BTD: variants seen among roughly 807,000 people sequenced by gnomAD.
BTD encodes biocytinase.
In BTD, 13 loss-of-function variants were observed where a neutral mutation model predicts 17.7. That is an observed-to-expected ratio of 0.74 (90% CI 0.48 to 1.17). The LOEUF is 1.17. Ranked by LOEUF, BTD falls within the 50% of genes most tolerant of loss-of-function variation. The probability of loss-of-function intolerance (pLI) is 0.00; values close to 1 mark genes in which losing one functional copy is unlikely to be tolerated. For missense variants in BTD, 674 were observed against 650.4 expected, an observed-to-expected ratio of 1.04 and a Z score of -0.39; for synonymous variants, 240 against 245.2, an observed-to-expected ratio of 0.98 and a Z score of 0.20.
At chr3:15,720,357 T>A (rs551560526) in intron 4 of BTD, among the ~76,000 whole-genome samples, 1 of 152,330 alleles carries the variant, frequency 6.6e-6, no homozygotes, top group South Asian at 2.1e-4. Context: ...AGTATTTTAC[T>A]CTATGTCTTT....
chr3:15,671,804 C>T (rs2066393550), intron 3 of BTD, among the ~76,000 whole-genome samples: 1 of 151,932 alleles, frequency 6.6e-6, no homozygotes, highest in South Asian at 2.1e-4. Context: ...AGGCTGGTCT[C>T]AAACTCCTGG....
At chr3:15,688,659 AG>A (rs1219750674) in intron 3 of BTD, among the ~76,000 whole-genome samples, 2 of 152,252 alleles carry the variant, frequency 1.3e-5, no homozygotes, top group African/African-American at 4.8e-5. Context: ...CCAAAGGACT[AG>A]AAAAAAAATC....
intron 4 of BTD, among the ~76,000 whole-genome samples, chr3:15,720,208 G>T (rs1335486447): frequency 6.6e-6 from 1 of 150,766 alleles, no homozygotes; most frequent in African/African-American, 2.5e-5. Context: ...ACTCTTGAAA[G>T]TGATTCTAAC....
chr3:15,657,064 G>A (rs572401703), downstream of BTD, among the ~76,000 whole-genome samples: 6 of 152,304 alleles, frequency 3.9e-5, no homozygotes, highest in South Asian at 1.2e-3. Context: ...TCTCCATGTG[G>A]TCTTTCAGCA....
Position 15,644,679 on chromosome 3 carries a change from C to T in BTD, c.763C>T (p.Gln255Ter). The change falls in exon 4 of 4, where the codon CAG becomes TAG. Residue 255 changes from glutamine (Q) to a stop codon, truncating the protein, a stop_gained. Transcript: ENST00000643237. LOFTEE classifies it low-confidence loss of function (END_TRUNC). ...HVVYPTAWMN[Q>*]LPLLAAIEIQ... is the part of the protein sequence containing the mutation. The stretch of plus-strand genomic sequence containing the variant: ...TGTGTACCCAACTGCCTGGATGAAC[C>T]AGCTCCCACTCTTGGCAGCAATTGA... 1 of 1,614,208 alleles carries T rather than the reference C, an allele frequency of 6.2e-7. No individual in the cohort carries two copies. Among genetic ancestry groups the T allele is most frequent in the Non-Finnish European group, 8.5e-7 (1 of 1,180,040 alleles).
intron 3 of BTD, among the ~76,000 whole-genome samples, chr3:15,643,922 A>G (rs2065609273): frequency 6.7e-6 from 1 of 150,020 alleles, no homozygotes; most frequent in Admixed American, 6.6e-5. Flanking sequence ...GAAAGAAAAA[A>G]AAAAGAAGAG....
chr3:15,675,968 T>C (rs1318419425), intron 3 of BTD: 3 of 1,613,066 alleles, frequency 1.9e-6, no homozygotes, highest in Non-Finnish European at 2.5e-6. Flanking sequence ...TTAGCCCATT[T>C]CGGGCAGCAA....
chr3:15,630,277 C>A (rs771662475), intron 1 of BTD, among the ~76,000 whole-genome samples: 2 of 152,124 alleles, frequency 1.3e-5, no homozygotes, highest in Non-Finnish European at 2.9e-5. Context: ...TCTGCTATTG[C>A]GATACCTAAG....
chr3:15,640,579 C>T (rs1016225938), intron 2 of BTD, among the ~76,000 whole-genome samples: 3 of 151,860 alleles, frequency 2.0e-5, no homozygotes, highest in African/African-American at 2.4e-5. Flanking sequence ...TTAGTAGAGA[C>T]GGGGTTTCAT....
chr3:15,646,004 C>G lies in BTD; in HGVS notation c.*516C>G, dbSNP rs538289157. On this transcript the variant is annotated 3_prime_UTR_variant, in exon 4 of 4. Transcript: ENST00000643237. ...CATTCTGGTCGACCAGAACTCTAGC[C>G]AGATGAAATGGCAATGCTAGCGCCA... 3 of 153,008 alleles carry G rather than the reference C, an allele frequency of 2.0e-5. No homozygotes were observed. Among genetic ancestry groups the G allele is most frequent in the Middle Eastern group, 3.4e-3 (1 of 294 alleles). The allele number at this position is 153,008 out of a possible 1,614,324, so 9.5% of individuals were successfully genotyped here. A position where few individuals can be genotyped will look rare whatever the true frequency, so the allele number is the denominator to read the frequency against.
exon 4 of BTD, chr3:15,712,067 G>T: frequency 2.6e-6 from 3 of 1,152,860 alleles, no homozygotes; most frequent in Non-Finnish European, 3.8e-6. Context: ...TTTTTAAAAA[G>T]CAGGATAGAG....
intron 3 of BTD, among the ~76,000 whole-genome samples, chr3:15,688,695 T>G (rs1183127209): frequency 6.6e-6 from 1 of 152,216 alleles, no homozygotes; most frequent in Non-Finnish European, 1.5e-5. Flanking sequence ...AAATGTATTC[T>G]TAAGGATCAC....
chr3:15,703,384 A>G (rs2070897995), intron 3 of BTD, among the ~76,000 whole-genome samples: 1 of 152,164 alleles, frequency 6.6e-6, no homozygotes, highest in Admixed American at 6.6e-5. Flanking sequence ...TGAAATTCCA[A>G]CCTCAAGGTG....
chr3:15,684,119 G>A (rs1470217526), intron 3 of BTD: 2 of 152,178 alleles, frequency 1.3e-5, no homozygotes, highest in African/African-American at 2.4e-5. Flanking sequence ...CCTGAAGCTT[G>A]AACTTTGACA....
chr3:15,641,867 C>A, intron 2 of BTD, 41 bp from the exon 3 acceptor site: 1 of 1,430,538 alleles, frequency 7.0e-7, no homozygotes, highest in Non-Finnish European at 9.8e-7. Flanking sequence ...GTTCTTCCTG[C>A]CATCTGATAA....
At chr3:15,642,245 G>C (rs2125487968) in intron 3 of BTD, 188 bp downstream of exon 3, 1 of 1,453,118 alleles carries the variant, frequency 6.9e-7, no homozygotes, top group Non-Finnish European at 9.0e-7. Context: ...TTACAAGGCA[G>C]TTATTCATCT....
downstream of BTD, among the ~76,000 whole-genome samples, chr3:15,716,420 T>C (rs924472944): frequency 2.0e-5 from 3 of 151,296 alleles, no homozygotes; most frequent in Admixed American, 2.0e-4. Flanking sequence ...GCCTCTGGAG[T>C]AGCTGGGACT....
chr3:15,619,879 C>G (rs775939180), intron 1 of BTD, among the ~76,000 whole-genome samples: 1 of 152,176 alleles, frequency 6.6e-6, no homozygotes, highest in African/African-American at 2.4e-5. Context: ...CTGCCTGAGT[C>G]TCAGACCAGC....
chr3:15,685,434 G>A, intron 3 of BTD: 1 of 1,613,888 alleles, frequency 6.2e-7, no homozygotes, highest in Non-Finnish European at 8.5e-7. Context: ...ATTCTTCATG[G>A]CCTGTAACTG....
Sources: allele counts gnomAD v4.1 joint callset (sites outside exome capture counted in the v4.1 genomes callset), GRCh38; gene constraint gnomAD v4.1.1; transcripts MANE v1.5; gene names NCBI Gene and HGNC (gene_info 2026-07-23, HGNC 2026-07-21).